Variants in PEAK1 observed in about 807,000 individuals in gnomAD.
The protein encoded by PEAK1 is pseudopodium enriched atypical kinase 1, also known as inactive tyrosine-protein kinase PEAK1.
In PEAK1, 54 loss-of-function variants were observed where a neutral mutation model predicts 124.7. The ratio of observed to expected loss-of-function variants is 0.43; its 90% CI spans 0.35 to 0.54. PEAK1 has a LOEUF of 0.54. PEAK1 is among the 20% of genes least tolerant of loss of function. The pLI is 0.01. For synonymous variants in PEAK1, 719 were observed against 760.0 expected (o/e 0.95, Z 0.89); for missense variants, 2,046 against 2,134.5 (o/e 0.96, Z 0.82).
intron 2 of PEAK1, among the ~76,000 whole-genome samples, chr15:77,306,261 T>C (rs561859836): frequency 4.7e-5 from 7 of 148,196 alleles, no homozygotes; most frequent in African/African-American, 1.9e-4. Context: ...TTTAAAGGAC[T>C]AAGAGTTTAA....
Position 77,357,383 on chromosome 15 carries a change from G to A in PEAK1, c.-603+7780C>T, listed in dbSNP as rs192456979. ...CGCCTCCGGGGTGCAAGCGACTCTCGTGCCTCAGCCTCCCAAGTAGCTGAG... is the reference window on the plus strand; with the variant it reads ...CGCCTCCGGGGTGCAAGCGACTCTCATGCCTCAGCCTCCCAAGTAGCTGAG... On this transcript the variant is annotated intron_variant, in intron 2 of 9. Transcript: ENST00000682557. Among the ~76,000 whole-genome samples, 734 of 152,242 alleles carry A rather than the reference G, an allele frequency of 4.8e-3. 6 individuals are homozygous for A. Among genetic ancestry groups the A allele is most frequent in the Admixed American group, 0.011 (166 of 15,300 alleles).
chr15:77,316,916 A>T (rs2064914863), intron 2 of PEAK1, among the ~76,000 whole-genome samples: 1 of 151,630 alleles, frequency 6.6e-6, no homozygotes, highest in South Asian at 2.1e-4. Context: ...TGTCTCTACT[A>T]AAAAAAATAC....
At chr15:77,317,181 C>T (rs1332820691) in intron 2 of PEAK1, among the ~76,000 whole-genome samples, 2 of 152,042 alleles carry the variant, frequency 1.3e-5, no homozygotes, top group African/African-American at 4.8e-5. Context: ...AAAAAAAATA[C>T]AACAAAGAGT....
intron 1 of PEAK1, among the ~76,000 whole-genome samples, chr15:77,411,129 C>A (rs559881685): frequency 6.6e-6 from 1 of 150,914 alleles, no homozygotes; most frequent in East Asian, 1.9e-4. Context: ...ATGTCTAAGA[C>A]CACATGTGAA....
intron 6 of PEAK1, among the ~76,000 whole-genome samples, chr15:77,219,058 T>C (rs1285319623): frequency 2.0e-5 from 3 of 152,138 alleles, no homozygotes; most frequent in Non-Finnish European, 1.5e-5. Context: ...GTATGGCTAA[T>C]GAAATATATA....
rs2062849528 is a variant in PEAK1 at position 77,284,962 on chromosome 15, AGACCCAGCTGCTTGG to A, written c.-442_-428del. 1 of 152,400 alleles carries A rather than the reference AGACCCAGCTGCTTGG, an allele frequency of 6.6e-6. No individual in the cohort carries two copies. Among genetic ancestry groups the A allele is most frequent in the Non-Finnish European group, 1.5e-5 (1 of 68,426 alleles). 9.4% of individuals were successfully genotyped at this position (152,400 alleles called of 1,614,324 possible). A position where few individuals can be genotyped will look rare whatever the true frequency, so the allele number is the denominator to read the frequency against. On this transcript the variant is annotated 5_prime_UTR_variant, in exon 4 of 10. Coordinates refer to ENST00000682557, the MANE Select transcript of PEAK1 (RefSeq NM_001385026.1). ...GCCAGGTGTGGTGGCACGCACCTGT[AGACCCAGCTGCTTGG>A]GAGGCTGAGGCAGGAGAATTACTCG...
chr15:77,202,492 G>A lies in PEAK1; in HGVS notation c.-114-20452C>T, dbSNP rs566905483. Among the ~76,000 whole-genome samples, 11 of 152,010 alleles carry A rather than the reference G, an allele frequency of 7.2e-5. No homozygotes were observed. The South Asian group carries it at 1.7e-3, about 23-fold the overall frequency. Reference sequence around the variant, plus strand: ...GAAAATCATCTTTGGGGCTGGGTGCGGTGGCTCACACCTCCTGTAATCCCA... The same window carrying A: ...GAAAATCATCTTTGGGGCTGGGTGCAGTGGCTCACACCTCCTGTAATCCCA... On this transcript the variant is annotated intron_variant, in intron 6 of 9. Transcript: ENST00000682557.
chr15:77,178,862 T>G lies in PEAK1; in HGVS notation c.3065A>C (p.Asn1022Thr). The G allele has an allele frequency of 1.9e-6, 3 of 1,614,134 alleles. No individual in the cohort carries two copies. Among genetic ancestry groups the G allele is most frequent in the African/African-American group, 1.3e-5 (1 of 75,056 alleles). The change falls in exon 7 of 10, where the codon AAT becomes ACT. Residue 1022 changes from asparagine to threonine, a missense_variant. Physicochemically the swap from Asn to Thr is moderately conservative, Grantham distance 65. Transcript: ENST00000682557. The part of the protein sequence containing the change: ...AAVMEKGRAE[N>T]ALLQDSEKKR... ...CTTCTCTGAGTCCTGTAGTAATGCATTCTCTGCTCTACCCTTCTCCATGAC... is the reference window on the plus strand; with the variant it reads ...CTTCTCTGAGTCCTGTAGTAATGCAGTCTCTGCTCTACCCTTCTCCATGAC...
Position 77,181,753 on chromosome 15 carries a change from C to T in PEAK1, c.174G>A (p.Thr58=), listed in dbSNP as rs367971985. 1.4e-5 allele frequency: 22 copies of T among 1,613,900 alleles called. No homozygotes were observed. The highest frequency in any genetic ancestry group is 7.7e-5 in the South Asian group (7 of 91,064). The stretch of plus-strand genomic sequence containing the variant: ...TAGCCACAGGAGGCCGGAAATTGCC[C>T]GTGTTCCTGATGCGGTGGTTGTTAC... ...NHSNNHRIRN[T]GNFRPPVAKK... The change falls in exon 7 of 10, where the codon ACG becomes ACA. Residue 58 remains threonine, a synonymous_variant. Transcript: ENST00000682557.
intron 6 of PEAK1, among the ~76,000 whole-genome samples, chr15:77,228,503 C>G (rs138812879): frequency 6.6e-6 from 1 of 152,138 alleles, no homozygotes; most frequent in East Asian, 1.9e-4. Context: ...GTCCACAGTC[C>G]TCATCAAACA....
intron 5 of PEAK1, among the ~76,000 whole-genome samples, chr15:77,271,697 C>T (rs1352610262): frequency 1.3e-5 from 2 of 152,080 alleles, no homozygotes; most frequent in Non-Finnish European, 2.9e-5. Context: ...AACCAAACAC[C>T]GCATGTTCTC....
At chr15:77,260,905 G>A (rs964706753) in intron 5 of PEAK1, among the ~76,000 whole-genome samples, 1 of 152,232 alleles carries the variant, frequency 6.6e-6, no homozygotes, top group South Asian at 2.1e-4. Flanking sequence ...ACATGGCCGG[G>A]TACTCCTCTG....
chr15:77,117,421 A>G (rs998033311), intron 9 of PEAK1, among the ~76,000 whole-genome samples: 4 of 152,246 alleles, frequency 2.6e-5, no homozygotes, highest in African/African-American at 9.6e-5. Context: ...TATAGCGTAC[A>G]TCTGTAAACT....
At chr15:77,312,089 A>T (rs767158069) in intron 2 of PEAK1, among the ~76,000 whole-genome samples, 5 of 152,102 alleles carry the variant, frequency 3.3e-5, no homozygotes, top group Admixed American at 6.5e-5. Flanking sequence ...GGACCAAAAA[A>T]TTTTTACAAG....
intron 2 of PEAK1, chr15:77,334,758 G>C (rs1205697456): frequency 1.0e-6 from 1 of 984,968 alleles, no homozygotes; most frequent in African/African-American, 1.8e-5. Flanking sequence ...TTTATCTCCT[G>C]ACCTGTCTTC....
At chr15:77,313,453 CTTTTA>C (rs2064604633) in intron 2 of PEAK1, among the ~76,000 whole-genome samples, 2 of 151,668 alleles carry the variant, frequency 1.3e-5, no homozygotes, top group East Asian at 1.9e-4. Flanking sequence ...CAAAGACTTC[CTTTTA>C]TTTTATTTAT....
intron 6 of PEAK1, among the ~76,000 whole-genome samples, chr15:77,182,343 T>C (rs1187073151): frequency 6.6e-6 from 1 of 152,102 alleles, no homozygotes; most frequent in African/African-American, 2.4e-5. Flanking sequence ...ACTCCTTCTG[T>C]TATCCACCAA....
Position 77,418,279 on chromosome 15 carries a change from G to C in PEAK1, c.-666+1727C>G. ...AATTTTAGCCTCTAAGTTGGGACAG[G>C]AGATGGGGGGTAGTGAGGGAAAAGA... On this transcript the variant is annotated intron_variant, in intron 1 of 9. Transcript: ENST00000682557. 3.0e-6 allele frequency: 3 copies of C among 985,394 alleles called. No individual in the cohort carries two copies. In the South Asian group the frequency reaches 1.4e-4, roughly 46 times the overall value. 61.0% of individuals were successfully genotyped at this position (985,394 alleles called of 1,614,324 possible). A position where few individuals can be genotyped will look rare whatever the true frequency, so the allele number is the denominator to read the frequency against.
intron 1 of PEAK1, among the ~76,000 whole-genome samples, chr15:77,409,371 T>C (rs1483842284): frequency 2.0e-5 from 3 of 152,182 alleles, no homozygotes; most frequent in African/African-American, 7.2e-5. Context: ...ATGCTATCAC[T>C]TCCCCCATTT....
Sources: allele counts gnomAD v4.1 joint callset (sites outside exome capture counted in the v4.1 genomes callset), GRCh38; gene constraint gnomAD v4.1.1; transcripts MANE v1.5; gene names NCBI Gene and HGNC (gene_info 2026-07-23, HGNC 2026-07-21).